SFMBT2: variants seen among roughly 807,000 people sequenced by gnomAD.
The protein encoded by SFMBT2 is scm-like with four MBT domains protein 2.
A neutral mutation model predicts 110.1 loss-of-function variants in SFMBT2; 38 were observed. That is an observed-to-expected ratio of 0.35 (90% CI 0.27 to 0.45). SFMBT2 has a LOEUF of 0.45. SFMBT2 is among the 20% of genes least tolerant of loss of function. The probability of loss-of-function intolerance (pLI) is 1.00; values close to 1 mark genes in which losing one functional copy is unlikely to be tolerated. For missense variants in SFMBT2, 1,011 were observed against 1,094.9 expected (o/e 0.92, Z 1.08); for synonymous variants, 425 against 425.4 (o/e 1.00, Z 0.01).
chr10:7,319,066 G>A (rs1843097574), intron 4 of SFMBT2, among the ~76,000 whole-genome samples: 1 of 152,218 alleles, frequency 6.6e-6, no homozygotes, highest in Non-Finnish European at 1.5e-5. Flanking sequence ...CAGAGACACG[G>A]AGGCAGAGTT....
rs994820549 is a variant in SFMBT2, at chr10:7,158,682, G to GT, written c.*5087dup. On this transcript the variant is annotated 3_prime_UTR_variant, in exon 21 of 21. Coordinates refer to ENST00000397167, the MANE Select transcript of SFMBT2 (RefSeq NM_001387889.1). ...TTACAATTTTTTTGAAGTAAAAAGG[G>GT]TTTTTTTCATTTAGAATAAAAATTA... The GT allele has an allele frequency of 3.3e-5, 5 of 151,934 alleles. No individual in the cohort carries two copies. The highest frequency in any genetic ancestry group is 4.8e-5 in the African/African-American group (2 of 41,350). The allele number at this position is 151,934 out of a possible 1,614,324, so 9.4% of individuals were successfully genotyped here. A position where few individuals can be genotyped will look rare whatever the true frequency, so the allele number is the denominator to read the frequency against.
intron 9 of SFMBT2, among the ~76,000 whole-genome samples, chr10:7,228,727 C>CTTTCTTTCT (rs1839998381): frequency 2.2e-5 from 2 of 92,000 alleles, no homozygotes; most frequent in East Asian, 5.3e-4. Context: ...TTCTTTCTTT[C>CTTTCTTTCT]TTTCTTTCCT....
chr10:7,279,719 G>C (rs1841895413), intron 6 of SFMBT2, among the ~76,000 whole-genome samples: 1 of 152,156 alleles, frequency 6.6e-6, no homozygotes, highest in Admixed American at 6.5e-5. Context: ...AGAAAAACGA[G>C]GCAATCTCCT....
chr10:7,281,530 A>T (rs1463501230), intron 6 of SFMBT2, among the ~76,000 whole-genome samples: 1 of 152,196 alleles, frequency 6.6e-6, no homozygotes, highest in African/African-American at 2.4e-5. Context: ...CCAGTTAAGG[A>T]AGTGGTGCTA....
At chr10:7,164,461 A>G (rs1301895123) in intron 20 of SFMBT2, 8 of 984,520 alleles carry the variant, frequency 8.1e-6, no homozygotes, top group Non-Finnish European at 9.6e-6. Context: ...AAACTCACAT[A>G]CCTACCCTGG....
At chr10:7,295,937 A>G (rs1842397063) in intron 4 of SFMBT2, among the ~76,000 whole-genome samples, 1 of 152,218 alleles carries the variant, frequency 6.6e-6, no homozygotes, top group Admixed American at 6.5e-5. Flanking sequence ...CTTTCTCTGA[A>G]GTTCCCAAGA....
chr10:7,244,770 A>C (rs951149692), intron 8 of SFMBT2, among the ~76,000 whole-genome samples: 3 of 152,140 alleles, frequency 2.0e-5, no homozygotes, highest in African/African-American at 7.2e-5. Flanking sequence ...TTTTTCTGGA[A>C]GCAATTTAGT....
chr10:7,356,407 G>GTTGTT (rs540244375), intron 4 of SFMBT2, among the ~76,000 whole-genome samples: 96 of 152,042 alleles, frequency 6.3e-4, no homozygotes, highest in South Asian at 6.2e-3. Flanking sequence ...TGTTGTTGTT[G>GTTGTT]TTGTTTTGTT....
chr10:7,289,558 A>C (rs1842201983), intron 4 of SFMBT2, among the ~76,000 whole-genome samples: 1 of 152,258 alleles, frequency 6.6e-6, no homozygotes, highest in East Asian at 1.9e-4. Context: ...TATGAGCCAC[A>C]GACTACCTAA....
intron 1 of SFMBT2, among the ~76,000 whole-genome samples, chr10:7,409,090 C>CCCA (rs1167553339): frequency 6.8e-6 from 1 of 146,836 alleles, no homozygotes; most frequent in Non-Finnish European, 1.5e-5. Flanking sequence ...TCTGCCCCAC[C>CCCA]CCACCACCAC....
At position 7,335,123 on chromosome 10, in the gene SFMBT2, G is replaced by T. The variant is rs143845645; in HGVS notation, c.436+32526C>A. On this transcript the variant is annotated intron_variant, in intron 4 of 20. Coordinates refer to ENST00000397167, the MANE Select transcript of SFMBT2 (RefSeq NM_001387889.1). ...AATTCATAGAAAGAGAAAACAGAAC[G>T]GTGGTTGCCCAGAGAAGGGGGTAAG... Among the ~76,000 whole-genome samples the T allele has an allele frequency of 3.9e-5, 6 of 152,236 alleles. No homozygotes were observed. In the South Asian group the frequency reaches 1.2e-3, roughly 32 times the overall value.
Position 7,160,403 on chromosome 10 carries a change from C to A in SFMBT2, c.*3367G>T, listed in dbSNP as rs1837520201. The A allele has an allele frequency of 6.6e-6, 1 of 152,218 alleles. No individual in the cohort carries two copies. Among genetic ancestry groups the A allele is most frequent in the Admixed American group, 6.5e-5 (1 of 15,276 alleles). The allele number at this position is 152,218 out of a possible 1,614,324, so 9.4% of individuals were successfully genotyped here. On this transcript the variant is annotated 3_prime_UTR_variant, in exon 21 of 21. Coordinates refer to ENST00000397167, the MANE Select transcript of SFMBT2 (RefSeq NM_001387889.1). ...GACTGAGCGATGGGCTGTCATGATT[C>A]AAGTTGAGGTGGCATCTCTTTCTCA...
chr10:7,184,007 T>C (rs1356724670), intron 16 of SFMBT2, among the ~76,000 whole-genome samples: 2 of 152,344 alleles, frequency 1.3e-5, no homozygotes. Flanking sequence ...TCTCTGAACC[T>C]AAAGGAGTGG....
chr10:7,299,929 G>C (rs1842510209), intron 4 of SFMBT2, among the ~76,000 whole-genome samples: 1 of 152,136 alleles, frequency 6.6e-6, no homozygotes, highest in Admixed American at 6.5e-5. Flanking sequence ...ACTCAATAAG[G>C]AAAATGTGGC....
intron 4 of SFMBT2, among the ~76,000 whole-genome samples, chr10:7,343,635 A>G (rs1844000012): frequency 6.6e-6 from 1 of 152,196 alleles, no homozygotes; most frequent in Non-Finnish European, 1.5e-5. Context: ...TTTCCCTAAT[A>G]ATTAATGATA....
chr10:7,229,935 T>C (rs1005656635), intron 9 of SFMBT2, among the ~76,000 whole-genome samples: 2 of 151,742 alleles, frequency 1.3e-5, no homozygotes, highest in East Asian at 3.9e-4. Context: ...GCCGGGCTGG[T>C]CTCGAACTCC....
intron 8 of SFMBT2, chr10:7,246,066 G>A: frequency 3.0e-6 from 2 of 672,626 alleles, no homozygotes; most frequent in South Asian, 1.3e-4. Flanking sequence ...AACCTGGAGA[G>A]GTGCCTACCT....
intron 7 of SFMBT2, among the ~76,000 whole-genome samples, chr10:7,271,587 G>C (rs1841586215): frequency 6.6e-6 from 1 of 152,144 alleles, no homozygotes; most frequent in Non-Finnish European, 1.5e-5. Context: ...GTCCAGGGAA[G>C]GATTCCTTTG....
intron 1 of SFMBT2, among the ~76,000 whole-genome samples, chr10:7,390,395 C>T (rs997944226): frequency 1.3e-5 from 2 of 152,140 alleles, no homozygotes; most frequent in Non-Finnish European, 2.9e-5. Flanking sequence ...TTAACAGTTT[C>T]CCCCTAATAT....
Sources: allele counts gnomAD v4.1 joint callset (sites outside exome capture counted in the v4.1 genomes callset), GRCh38; gene constraint gnomAD v4.1.1; transcripts MANE v1.5; gene names NCBI Gene and HGNC (gene_info 2026-07-23, HGNC 2026-07-21).